DPP10: variants seen among roughly 807,000 people sequenced by gnomAD.
The protein encoded by DPP10 is dipeptidyl peptidase like 10.
Under a neutral mutation model 120.9 loss-of-function variants are expected in DPP10, and 33 were observed. The observed-to-expected ratio is 0.27, with a 90% CI of 0.21 to 0.37. The LOEUF (loss-of-function observed/expected upper bound fraction) is 0.37, where lower values mean the gene tolerates loss of function less well. Among genes scored for constraint, DPP10 ranks in the 10% least tolerant of loss-of-function variants. The probability of loss-of-function intolerance (pLI) is 1.00; values close to 1 mark genes in which losing one functional copy is unlikely to be tolerated. For missense variants in DPP10, 816 were observed against 942.8 expected (o/e 0.87, Z 1.76); for synonymous variants, 337 against 326.1 (o/e 1.03, Z -0.36).
chr2:114,865,652 G>A (rs1690167195), intron 1 of DPP10, among the ~76,000 whole-genome samples: 1 of 152,122 alleles, frequency 6.6e-6, no homozygotes, highest in South Asian at 2.1e-4. Flanking sequence ...GCTGGGCGTT[G>A]TCTTAGGCAT....
chr2:115,045,202 A>G (rs1189218908), intron 1 of DPP10, among the ~76,000 whole-genome samples: 1 of 152,168 alleles, frequency 6.6e-6, no homozygotes, highest in Non-Finnish European at 1.5e-5. Flanking sequence ...TAGGATAAAA[A>G]GATTTTTGTT....
intron 1 of DPP10, among the ~76,000 whole-genome samples, chr2:114,952,753 G>A (rs1406256438): frequency 1.3e-5 from 2 of 152,162 alleles, no homozygotes; most frequent in Non-Finnish European, 2.9e-5. Flanking sequence ...CTATCAGGAG[G>A]AGGTAAAATT....
intron 1 of DPP10, among the ~76,000 whole-genome samples, chr2:115,058,669 G>A (rs1219479153): frequency 6.6e-6 from 1 of 152,210 alleles, no homozygotes; most frequent in Non-Finnish European, 1.5e-5. Flanking sequence ...CCAAAGTGCA[G>A]GGATTACAGA....
intron 1 of DPP10, among the ~76,000 whole-genome samples, chr2:114,977,242 C>G (rs1044024108): frequency 1.3e-5 from 2 of 152,106 alleles, no homozygotes; most frequent in Admixed American, 6.6e-5. Flanking sequence ...AACACACACC[C>G]TACCCTTGAC....
chr2:115,097,351 A>G lies in DPP10; in HGVS notation c.61-211888A>G, dbSNP rs552985900. On this transcript the variant is annotated intron_variant, in intron 1 of 25. Transcript: ENST00000410059. Reference sequence around the variant, plus strand: ...CAAATCTGATTCTGTATTGAATTCTAATGTGAAGATCTTTGCTGGAATGCT... The same window carrying G: ...CAAATCTGATTCTGTATTGAATTCTGATGTGAAGATCTTTGCTGGAATGCT... Among the ~76,000 whole-genome samples the G allele has an allele frequency of 9.7e-4, 148 of 152,308 alleles. 1 individual carries two copies. In the Middle Eastern group the frequency reaches 0.02, roughly 21 times the overall value.
intron 2 of DPP10, among the ~76,000 whole-genome samples, chr2:115,334,230 G>GTTTTGT (rs1553554646): frequency 1.1e-4 from 6 of 56,408 alleles, no homozygotes; most frequent in Admixed American, 2.5e-4. Flanking sequence ...AGCAGACTCT[G>GTTTTGT]TTTTTTTTTT....
At chr2:114,544,547 T>C (rs76394241) in intron 1 of DPP10, among the ~76,000 whole-genome samples, 23,915 of 152,036 alleles carry the variant, frequency 0.16, 2,085 homozygotes, top group Admixed American at 0.26. Flanking sequence ...ATGGCTTCTC[T>C]TTGTCAGCAT....
Position 115,194,971 on chromosome 2 carries a change from C to G in DPP10, c.61-114268C>G, listed in dbSNP as rs1168934842. On this transcript the variant is annotated intron_variant, in intron 1 of 25. Coordinates refer to ENST00000410059, the MANE Select transcript of DPP10 (RefSeq NM_020868.6). The stretch of plus-strand genomic sequence containing the variant: ...GAGAGAAATCGTGGCGGTGAATTTC[C>G]TAGTGTTGGGTTTTGCCTGTCAGAT... Among the ~76,000 whole-genome samples, 3 of 152,096 alleles carry G rather than the reference C, an allele frequency of 2.0e-5. No individual in the cohort carries two copies. In the East Asian group the frequency reaches 5.8e-4, roughly 29 times the overall value.
intron 1 of DPP10, among the ~76,000 whole-genome samples, chr2:114,821,461 G>A (rs1317921779): frequency 6.6e-6 from 1 of 152,142 alleles, no homozygotes; most frequent in African/African-American, 2.4e-5. Flanking sequence ...TGCTTTAAAA[G>A]AAACGAAAAC....
At chr2:114,737,359 A>T (rs1461900260) in intron 1 of DPP10, among the ~76,000 whole-genome samples, 1 of 152,192 alleles carries the variant, frequency 6.6e-6, no homozygotes, top group East Asian at 1.9e-4. Context: ...GTCTGGTCCC[A>T]GAAGACATCT....
chr2:114,536,771 A>G (rs1686539364), intron 1 of DPP10, among the ~76,000 whole-genome samples: 1 of 152,028 alleles, frequency 6.6e-6, no homozygotes, highest in Non-Finnish European at 1.5e-5. Flanking sequence ...TTTAATCATT[A>G]TTTGTTTAGA....
At chr2:115,603,571 T>TTTG (rs1553459833) in intron 5 of DPP10, among the ~76,000 whole-genome samples, 1 of 70,526 alleles carries the variant, frequency 1.4e-5, no homozygotes, top group Non-Finnish European at 2.5e-5. Context: ...TTTTTTTTTG[T>TTTG]TTTTTTTTTT....
At chr2:115,539,551 A>G (rs562612359) in intron 5 of DPP10, among the ~76,000 whole-genome samples, 5 of 152,114 alleles carry the variant, frequency 3.3e-5, no homozygotes, top group African/African-American at 1.2e-4. Context: ...ACTGTTTTCC[A>G]TTAATCCAAG....
chr2:114,966,096 C>T (rs1210010396), intron 1 of DPP10, among the ~76,000 whole-genome samples: 1 of 151,158 alleles, frequency 6.6e-6, no homozygotes, highest in Non-Finnish European at 1.5e-5. Context: ...AAACCAGATA[C>T]AGAAGATATC....
At chr2:114,630,428 A>G (rs1558947919) in intron 1 of DPP10, among the ~76,000 whole-genome samples, 1 of 152,216 alleles carries the variant, frequency 6.6e-6, no homozygotes, top group Non-Finnish European at 1.5e-5. Context: ...TGATTTGGAA[A>G]GGTCAGTTTA....
At chr2:114,714,940 A>G (rs1701258775) in intron 1 of DPP10, among the ~76,000 whole-genome samples, 1 of 152,194 alleles carries the variant, frequency 6.6e-6, no homozygotes, top group Non-Finnish European at 1.5e-5. Context: ...ATCCTGTTTC[A>G]TAATGGGGTT....
intron 1 of DPP10, among the ~76,000 whole-genome samples, chr2:115,273,430 G>A (rs1343164984): frequency 1.3e-5 from 2 of 151,986 alleles, no homozygotes; most frequent in Non-Finnish European, 2.9e-5. Flanking sequence ...TCCGCCTCCC[G>A]GGTTCACACT....
intron 5 of DPP10, among the ~76,000 whole-genome samples, chr2:115,583,395 T>C (rs1213034879): frequency 2.0e-5 from 3 of 152,280 alleles, no homozygotes; most frequent in East Asian, 1.9e-4. Context: ...GATTGCTTGA[T>C]AGTGTTCAGT....
chr2:115,836,279 C>T, intron 22 of DPP10, 23 bp downstream of exon 22: 1 of 1,575,002 alleles, frequency 6.3e-7, no homozygotes, highest in Non-Finnish European at 8.6e-7. Context: ...TACAGACTGA[C>T]CTAGTATAAT....
Sources: gnomAD v4.1 joint callset for allele counts (sites outside exome capture counted in the v4.1 genomes callset) on GRCh38, gnomAD v4.1.1 for gene constraint, MANE v1.5 for transcripts, NCBI Gene and HGNC (gene_info 2026-07-23, HGNC 2026-07-21) for gene names.